The following PTPRN2 variants were observed in gnomAD, a reference collection of about 807,000 sequenced individuals.
PTPRN2 encodes protein tyrosine phosphatase receptor type N2, also known as receptor-type tyrosine-protein phosphatase N2.
A neutral mutation model predicts 118.8 loss-of-function variants in PTPRN2; 74 were observed. That is an observed-to-expected ratio of 0.62 (90% CI 0.52 to 0.76). PTPRN2 has a LOEUF of 0.76. PTPRN2 is among the 30% of genes least tolerant of loss of function. The probability of loss-of-function intolerance (pLI) is 0.00; values close to 1 mark genes in which losing one functional copy is unlikely to be tolerated. For missense variants in PTPRN2, 1,481 were observed against 1,394.4 expected, an observed-to-expected ratio of 1.06 and a Z score of -0.99; for synonymous variants, 641 against 608.0, an observed-to-expected ratio of 1.05 and a Z score of -0.80.
chr7:157,803,287 C>T (rs1267439127), intron 12 of PTPRN2, among the ~76,000 whole-genome samples: 1 of 152,178 alleles, frequency 6.6e-6, no homozygotes, highest in Non-Finnish European at 1.5e-5. Context: ...TAAATATTAA[C>T]TCCTTATCCG....
chr7:158,241,747 A>G (rs531225177), intron 3 of PTPRN2, among the ~76,000 whole-genome samples: 113 of 152,284 alleles, frequency 7.4e-4, no homozygotes, highest in African/African-American at 2.6e-3. Context: ...CTAACGTTCT[A>G]CAGCTCCCCG....
In PTPRN2 at chr7:157,910,536, C is replaced by T. The variant is rs1035014218; in HGVS notation, c.1724-11799G>A. Among the ~76,000 whole-genome samples, 21 of 152,170 alleles carry T rather than the reference C, an allele frequency of 1.4e-4. 1 individual carries two copies. Among genetic ancestry groups the T allele is most frequent in the African/African-American group, 3.9e-4 (16 of 41,454 alleles). Reference sequence around the variant, plus strand: ...GAACGGGTCCAGGATCACGCACGTACGCCGTAGGAACGGGCGCAGAATCAC... The same window carrying T: ...GAACGGGTCCAGGATCACGCACGTATGCCGTAGGAACGGGCGCAGAATCAC... On this transcript the variant is annotated intron_variant, in intron 11 of 22. Coordinates refer to ENST00000389418, the MANE Select transcript of PTPRN2 (RefSeq NM_002847.5).
rs1290619158 is a variant in PTPRN2, at chr7:157,813,674, C to T, written c.1788+84999G>A. Among the ~76,000 whole-genome samples the T allele has an allele frequency of 6.6e-6, 1 of 151,940 alleles. No individual in the cohort carries two copies. Among genetic ancestry groups the T allele is most frequent in the Non-Finnish European group, 1.5e-5 (1 of 68,046 alleles). ...TTCCTCACTGCATCGCTGTATTTTC[C>T]AGATGTCCACTGAGGAATGAGCATT... On this transcript the variant is annotated intron_variant, in intron 12 of 22. Coordinates refer to ENST00000389418, the MANE Select transcript of PTPRN2 (RefSeq NM_002847.5). This position sits in a 1 kb window ranked among gnomAD's most constrained non-coding sequence, Gnocchi z 4.7.
intron 1 of PTPRN2, among the ~76,000 whole-genome samples, chr7:158,510,611 T>C (rs145599864): frequency 1.3e-5 from 2 of 152,358 alleles, no homozygotes; most frequent in African/African-American, 4.8e-5. Context: ...CTGTTCTCTT[T>C]TATTTTCATA....
intron 2 of PTPRN2, among the ~76,000 whole-genome samples, chr7:158,419,847 G>A (rs1356447378): frequency 6.6e-6 from 1 of 152,270 alleles, no homozygotes; most frequent in Admixed American, 6.5e-5. Context: ...CAAAAGAAGT[G>A]GCAGTCATTA....
At chr7:157,675,616 A>C (rs1302312140) in intron 13 of PTPRN2, among the ~76,000 whole-genome samples, 2 of 152,188 alleles carry the variant, frequency 1.3e-5, no homozygotes, top group Non-Finnish European at 2.9e-5. Flanking sequence ...GCTCATGCCG[A>C]GGAGGAAGTG....
chr7:157,675,778 C>T (rs1392266628), intron 13 of PTPRN2, among the ~76,000 whole-genome samples: 1 of 152,190 alleles, frequency 6.6e-6, no homozygotes, highest in Non-Finnish European at 1.5e-5. Flanking sequence ...CAGGGCTGCC[C>T]TCATCCGCAT....
At chr7:157,755,847 G>T (rs923761263) in intron 12 of PTPRN2, among the ~76,000 whole-genome samples, 1 of 152,142 alleles carries the variant, frequency 6.6e-6, no homozygotes, top group South Asian at 2.1e-4. Flanking sequence ...ATACACCCAG[G>T]AAGCAAACCT....
chr7:158,255,923 G>A (rs1796993333), intron 3 of PTPRN2, among the ~76,000 whole-genome samples: 1 of 152,144 alleles, frequency 6.6e-6, no homozygotes, highest in African/African-American at 2.4e-5. Context: ...TAAACCAGAC[G>A]ATGCTCAGAA....
chr7:157,746,213 G>T (rs1050716539), intron 12 of PTPRN2, among the ~76,000 whole-genome samples: 23 of 149,626 alleles, frequency 1.5e-4, no homozygotes, highest in African/African-American at 4.7e-4. Flanking sequence ...GTCCTCATGG[G>T]ACCCTGAGCA....
intron 11 of PTPRN2, among the ~76,000 whole-genome samples, chr7:158,071,422 T>TG (rs1346387796): frequency 1.3e-4 from 15 of 116,428 alleles, no homozygotes; most frequent in Non-Finnish European, 2.3e-4. Flanking sequence ...CTCCTGGTGG[T>TG]GGAGGTGCTC....
chr7:157,957,342 T>TG (rs564884903), intron 11 of PTPRN2, among the ~76,000 whole-genome samples: 185 of 152,160 alleles, frequency 1.2e-3, no homozygotes, highest in Middle Eastern at 3.4e-3. Context: ...TATTAATCCC[T>TG]GGGGGGGTGA....
chr7:158,434,945 C>G (rs1816475902), intron 2 of PTPRN2, among the ~76,000 whole-genome samples: 1 of 152,236 alleles, frequency 6.6e-6, no homozygotes, highest in South Asian at 2.1e-4. Flanking sequence ...TACACACACA[C>G]AAATCAACTA....
chr7:157,853,560 CACG>C (rs1809453016), intron 12 of PTPRN2, among the ~76,000 whole-genome samples: 2 of 152,114 alleles, frequency 1.3e-5, no homozygotes, highest in South Asian at 4.1e-4. Context: ...CTCCCAGGCC[CACG>C]GTCTTGGGGC....
chr7:158,448,184 T>G (rs1177140907), intron 2 of PTPRN2, among the ~76,000 whole-genome samples: 1 of 152,126 alleles, frequency 6.6e-6, no homozygotes, highest in African/African-American at 2.4e-5. Flanking sequence ...CCCAGCAGAG[T>G]GGCCCAGACA....
intron 2 of PTPRN2, among the ~76,000 whole-genome samples, chr7:158,478,165 C>T (rs1194226294): frequency 6.6e-6 from 1 of 152,210 alleles, no homozygotes; most frequent in Admixed American, 6.5e-5. Flanking sequence ...GCACGGGAGC[C>T]GCGGCCCCAG....
At chr7:158,062,850 T>C (rs938400236) in intron 11 of PTPRN2, among the ~76,000 whole-genome samples, 1 of 152,104 alleles carries the variant, frequency 6.6e-6, no homozygotes, top group African/African-American at 2.4e-5. Context: ...TGCCTGAGCC[T>C]CCCCTTCGCC....
At chr7:158,557,476 G>C (rs1049263808) in intron 1 of PTPRN2, among the ~76,000 whole-genome samples, 1 of 152,250 alleles carries the variant, frequency 6.6e-6, no homozygotes, top group Non-Finnish European at 1.5e-5. Context: ...TGGTGCCATG[G>C]TCCACTCAGT....
chr7:157,874,225 C>A lies in PTPRN2; in HGVS notation c.1788+24448G>T, dbSNP rs1412647599. ...CTCTGTTTCCCCCTCCACAACTGGGCAGGCTGCTCCCTTCACCCCAACACT... is the reference window on the plus strand; with the variant it reads ...CTCTGTTTCCCCCTCCACAACTGGGAAGGCTGCTCCCTTCACCCCAACACT... On this transcript the variant is annotated intron_variant, in intron 12 of 22. Coordinates refer to ENST00000389418, the MANE Select transcript of PTPRN2 (RefSeq NM_002847.5). This position sits in a 1 kb window ranked among gnomAD's most constrained non-coding sequence, Gnocchi z 5.8. Among the ~76,000 whole-genome samples the A allele has an allele frequency of 6.6e-6, 1 of 152,180 alleles. No individual in the cohort carries two copies. The highest frequency in any genetic ancestry group is 2.4e-5 in the African/African-American group (1 of 41,436).
Sources: allele counts gnomAD v4.1 joint callset (sites outside exome capture counted in the v4.1 genomes callset), GRCh38; gene constraint gnomAD v4.1.1; non-coding constraint Gnocchi (gnomAD v3.1); transcripts MANE v1.5; gene names NCBI Gene and HGNC (gene_info 2026-07-23, HGNC 2026-07-21).